The following ERC2 variants were observed in gnomAD, a reference collection of about 807,000 sequenced individuals.
The protein encoded by ERC2 is ERC protein 2.
In ERC2, 42 loss-of-function variants were observed where a neutral mutation model predicts 114.8. The observed-to-expected ratio is 0.37, with a 90% CI of 0.29 to 0.47. The LOEUF is 0.47. Ranked by LOEUF, ERC2 falls within the 20% of genes least tolerant of loss-of-function variation. The probability of loss-of-function intolerance (pLI) is 0.99; values close to 1 mark genes in which losing one functional copy is unlikely to be tolerated. For synonymous variants in ERC2, 454 were observed against 425.5 expected, an observed-to-expected ratio of 1.07 and a Z score of -0.82; for missense variants, 939 against 1,150.7, an observed-to-expected ratio of 0.82 and a Z score of 2.66.
intron 3 of ERC2, among the ~76,000 whole-genome samples, chr3:56,226,668 C>G (rs1170644697): frequency 6.6e-6 from 1 of 152,052 alleles, no homozygotes; most frequent in Non-Finnish European, 1.5e-5. Context: ...ACAAATGGGT[C>G]TCCACCCTAC....
chr3:55,811,047 G>T (rs1426137877), intron 14 of ERC2, among the ~76,000 whole-genome samples: 2 of 152,150 alleles, frequency 1.3e-5, no homozygotes, highest in Non-Finnish European at 2.9e-5. Context: ...AAAGAACTTG[G>T]TGATACGGAA....
intron 17 of ERC2, among the ~76,000 whole-genome samples, chr3:55,624,404 G>A (rs2059433308): frequency 6.6e-6 from 1 of 152,188 alleles, no homozygotes; most frequent in African/African-American, 2.4e-5. Context: ...AGAACGTGGT[G>A]TTTCAGGAAG....
chr3:55,719,662 GTGTC>G (rs1197874055), intron 15 of ERC2, among the ~76,000 whole-genome samples: 10 of 152,078 alleles, frequency 6.6e-5, no homozygotes, highest in Admixed American at 6.5e-4. Context: ...CAACACTTAA[GTGTC>G]TGGTTCATAA....
intron 14 of ERC2, among the ~76,000 whole-genome samples, chr3:55,791,104 A>G (rs1318026574): frequency 6.6e-6 from 1 of 152,214 alleles, no homozygotes; most frequent in Non-Finnish European, 1.5e-5. Context: ...TTAGGCATTC[A>G]TGTAATTCTT....
At chr3:56,065,290 A>G (rs963398759) in intron 7 of ERC2, among the ~76,000 whole-genome samples, 2 of 151,868 alleles carry the variant, frequency 1.3e-5, no homozygotes, top group Non-Finnish European at 2.9e-5. Flanking sequence ...TGTCATGATC[A>G]TGGCTCACTG....
chr3:55,970,592 T>C (rs191780038), intron 12 of ERC2, among the ~76,000 whole-genome samples: 25 of 152,164 alleles, frequency 1.6e-4, no homozygotes, highest in African/African-American at 6.0e-4. Flanking sequence ...GAAAAGATCT[T>C]CAATCTCACT....
intron 7 of ERC2, among the ~76,000 whole-genome samples, chr3:56,025,519 T>C (rs2073983351): frequency 6.6e-6 from 1 of 152,190 alleles, no homozygotes; most frequent in Non-Finnish European, 1.5e-5. Context: ...CCAGAGGCTA[T>C]ATACAAAGGC....
At chr3:55,624,317 C>T (rs181906975) in intron 17 of ERC2, among the ~76,000 whole-genome samples, 341 of 152,212 alleles carry the variant, frequency 2.2e-3, no homozygotes, top group Non-Finnish European at 2.9e-3. Flanking sequence ...AATGTGAGGA[C>T]GAGTCTGAGG....
intron 2 of ERC2, among the ~76,000 whole-genome samples, chr3:56,386,900 T>C (rs78345319): frequency 2.6e-5 from 4 of 152,334 alleles, no homozygotes; most frequent in African/African-American, 7.2e-5. Flanking sequence ...TCATTCCATA[T>C]GAACAGCATA....
intron 7 of ERC2, among the ~76,000 whole-genome samples, chr3:56,020,331 A>T (rs1035225571): frequency 1.5e-4 from 23 of 149,294 alleles, no homozygotes; most frequent in African/African-American, 5.2e-4. Context: ...TCCTTCATTC[A>T]TTTTTTTTTC....
intron 17 of ERC2, among the ~76,000 whole-genome samples, chr3:55,667,157 C>G (rs4974190): frequency 6.6e-6 from 1 of 151,852 alleles, no homozygotes; most frequent in South Asian, 2.1e-4. Flanking sequence ...AAACATAATA[C>G]GAAAAACAAT....
chr3:55,890,971 G>C (rs2063569731), intron 13 of ERC2, among the ~76,000 whole-genome samples: 1 of 152,132 alleles, frequency 6.6e-6, no homozygotes, highest in African/African-American at 2.4e-5. Flanking sequence ...ATGGCCATGG[G>C]TTCTTCCTGT....
chr3:56,288,389 AC>A (rs1012336903), intron 3 of ERC2, among the ~76,000 whole-genome samples: 2 of 151,168 alleles, frequency 1.3e-5, no homozygotes, highest in Non-Finnish European at 3.0e-5. Flanking sequence ...GGACATTCTC[AC>A]TCCTCCCTGG....
intron 16 of ERC2, among the ~76,000 whole-genome samples, chr3:55,698,324 A>G (rs903999135): frequency 6.6e-6 from 1 of 152,038 alleles, no homozygotes; most frequent in Non-Finnish European, 1.5e-5. Flanking sequence ...TGTTCTATAT[A>G]AACAGCTCCC....
At chr3:56,277,682 C>T (rs956398700) in intron 3 of ERC2, among the ~76,000 whole-genome samples, 1 of 151,504 alleles carries the variant, frequency 6.6e-6, no homozygotes, top group Non-Finnish European at 1.5e-5. Flanking sequence ...TCAGGATTTC[C>T]GTTCACCCAT....
intron 14 of ERC2, among the ~76,000 whole-genome samples, chr3:55,819,950 G>A (rs910007012): frequency 6.6e-6 from 1 of 152,204 alleles, no homozygotes; most frequent in Non-Finnish European, 1.5e-5. Flanking sequence ...ATGGAGGGGG[G>A]TTCCCAATTA....
chr3:56,415,062 T>C (rs2061096614), intron 2 of ERC2, among the ~76,000 whole-genome samples: 1 of 152,196 alleles, frequency 6.6e-6, no homozygotes, highest in African/African-American at 2.4e-5. Flanking sequence ...GGTTTTTACA[T>C]GAAGTCCTCC....
intron 2 of ERC2, among the ~76,000 whole-genome samples, chr3:56,430,334 A>G (rs1559491804): frequency 6.6e-6 from 1 of 152,134 alleles, no homozygotes; most frequent in Non-Finnish European, 1.5e-5. Context: ...AATGGTGAAA[A>G]CCCTAAACAG....
At chr3:56,199,019 T>C (rs1411917807) in intron 3 of ERC2, among the ~76,000 whole-genome samples, 2 of 152,144 alleles carry the variant, frequency 1.3e-5, no homozygotes, top group Admixed American at 6.6e-5. Context: ...CAACAGGTAT[T>C]TATTGAGCAT....
Sources: gnomAD v4.1 joint callset for allele counts (sites outside exome capture counted in the v4.1 genomes callset) on GRCh38, gnomAD v4.1.1 for gene constraint, MANE v1.5 for transcripts, NCBI Gene and HGNC (gene_info 2026-07-23, HGNC 2026-07-21) for gene names.